PIGU: variants seen among roughly 807,000 people sequenced by gnomAD.
The protein encoded by PIGU is phosphatidylinositol glycan anchor biosynthesis class U.
A neutral mutation model predicts 49.9 loss-of-function variants in PIGU; 24 were observed. The observed-to-expected ratio is 0.48, with a 90% confidence interval of 0.35 to 0.68. The LOEUF (loss-of-function observed/expected upper bound fraction) is 0.68. Ranked by LOEUF, PIGU falls within the 30% of genes least tolerant of loss-of-function variation. The pLI is 0.01. For synonymous variants in PIGU, 220 were observed against 205.7 expected (o/e 1.07, Z -0.59); for missense variants, 490 against 532.6 (o/e 0.92, Z 0.79).
chr20:34,647,989 C>A (rs926414090), intron 2 of PIGU, among the ~76,000 whole-genome samples: 2 of 152,034 alleles, frequency 1.3e-5, no homozygotes, highest in African/African-American at 2.4e-5. Flanking sequence ...GTGGCTCATG[C>A]CTATAATCTC....
Position 34,615,970 on chromosome 20 carries a change from T to C in PIGU, c.627+72A>G, listed in dbSNP as rs1192316268. On this transcript the variant is annotated intron_variant, in intron 7 of 11. Coordinates refer to ENST00000217446, the MANE Select transcript of PIGU (RefSeq NM_080476.5). ...TGCCTTTACTAACCCGTGCCCTTCCTTTCCCCCAGCAGGGACCAGGCCATG... is the reference window on the plus strand; with the variant it reads ...TGCCTTTACTAACCCGTGCCCTTCCCTTCCCCCAGCAGGGACCAGGCCATG... 5 of 1,511,812 alleles carry C rather than the reference T, an allele frequency of 3.3e-6. No homozygotes were observed. In the African/African-American group the frequency reaches 4.3e-5, roughly 13 times the overall value. 93.6% of individuals were successfully genotyped at this position (1,511,812 alleles called of 1,614,324 possible). A position where few individuals can be genotyped will look rare whatever the true frequency, so the allele number is the denominator to read the frequency against.
chr20:34,646,858 T>C (rs1986364235), intron 2 of PIGU, among the ~76,000 whole-genome samples: 1 of 152,038 alleles, frequency 6.6e-6, no homozygotes, highest in Non-Finnish European at 1.5e-5. Flanking sequence ...ACTCTCGCAC[T>C]GTTGCCAGGG....
Position 34,560,831 on chromosome 20 carries a change from C to G in PIGU, c.*35G>C. The stretch of plus-strand genomic sequence containing the variant: ...TTGGCCCAGCTTCTGGCCCCACAGC[C>G]CCCTGAGGTCCATGCAGCCCTGTGC... On this transcript the variant is annotated 3_prime_UTR_variant, in exon 12 of 12. Coordinates refer to ENST00000217446, the MANE Select transcript of PIGU (RefSeq NM_080476.5). 2 of 1,474,414 alleles carry G rather than the reference C, an allele frequency of 1.4e-6. No homozygotes were observed. The highest frequency in any genetic ancestry group is 1.9e-6 in the Non-Finnish European group (2 of 1,079,946). The allele number at this position is 1,474,414 out of a possible 1,614,324, so 91.3% of individuals were successfully genotyped here.
intron 11 of PIGU, among the ~76,000 whole-genome samples, chr20:34,564,586 T>G (rs1384375374): frequency 6.6e-6 from 1 of 152,200 alleles, no homozygotes; most frequent in African/African-American, 2.4e-5. Flanking sequence ...CTTTGGCAAA[T>G]GTACACAAAA....
chr20:34,574,993 C>T (rs1023838714), intron 11 of PIGU, 111 bp downstream of exon 11: 2 of 1,412,916 alleles, frequency 1.4e-6, no homozygotes, highest in African/African-American at 2.8e-5. Flanking sequence ...GTAACTGTGC[C>T]TCCTTCACGT....
intron 1 of PIGU, among the ~76,000 whole-genome samples, chr20:34,663,535 G>A (rs1382817522): frequency 2.0e-5 from 3 of 152,116 alleles, no homozygotes; most frequent in Admixed American, 6.6e-5. Context: ...TTTGTAAGGA[G>A]TGGGCTATAA....
At chr20:34,647,033 G>A (rs951520836) in intron 2 of PIGU, among the ~76,000 whole-genome samples, 1 of 151,984 alleles carries the variant, frequency 6.6e-6, no homozygotes, top group African/African-American at 2.4e-5. Flanking sequence ...GCAGAGTTTC[G>A]CTCTTGTTGC....
intron 2 of PIGU, among the ~76,000 whole-genome samples, chr20:34,650,698 C>CTTTTTTTTTTT (rs1568658806): frequency 4.6e-5 from 2 of 43,948 alleles, no homozygotes. Context: ...TTCTTTTTTT[C>CTTTTTTTTTTT]TCTTTTTTTT....
intron 2 of PIGU, among the ~76,000 whole-genome samples, chr20:34,647,266 C>T (rs369702905): frequency 3.6e-4 from 55 of 150,818 alleles, no homozygotes; most frequent in African/African-American, 1.2e-3. Context: ...CCACCGTGCC[C>T]GGCCGTTTTT....
intron 4 of PIGU, among the ~76,000 whole-genome samples, chr20:34,638,719 TG>T (rs1241833688): frequency 2.0e-5 from 3 of 152,098 alleles, no homozygotes; most frequent in South Asian, 4.2e-4. Context: ...GGAGGAAAGC[TG>T]GGTGTGGGTG....
At chr20:34,561,698 C>T (rs1982520735) in intron 11 of PIGU, among the ~76,000 whole-genome samples, 1 of 152,124 alleles carries the variant, frequency 6.6e-6, no homozygotes, top group African/African-American at 2.4e-5. Context: ...CTCGAACTCC[C>T]TCGTGCTCTG....
intron 7 of PIGU, among the ~76,000 whole-genome samples, chr20:34,590,903 C>T (rs1335734580): frequency 6.6e-6 from 1 of 151,984 alleles, no homozygotes; most frequent in African/African-American, 2.4e-5. Flanking sequence ...TGCCTGTAGT[C>T]CCAGCTACTC....
chr20:34,659,076 G>T (rs1433148637), intron 1 of PIGU, among the ~76,000 whole-genome samples: 2 of 142,452 alleles, frequency 1.4e-5, no homozygotes, highest in African/African-American at 5.2e-5. Context: ...GGAGGGAGGT[G>T]GGGGGGTCAG....
intron 10 of PIGU, among the ~76,000 whole-genome samples, chr20:34,579,547 G>A (rs1361891182): frequency 6.6e-6 from 1 of 152,198 alleles, no homozygotes; most frequent in Non-Finnish European, 1.5e-5. Flanking sequence ...TAAGGACCAG[G>A]GCTGATGCTG....
At chr20:34,676,926 C>CT (rs772905772) in intron 1 of PIGU, 30 bp downstream of exon 1, 147 of 1,557,996 alleles carry the variant, frequency 9.4e-5, no homozygotes, top group Non-Finnish European at 1.2e-4. Flanking sequence ...CAGGTGGGGC[C>CT]TGACAGTCTG....
chr20:34,648,252 A>C (rs948737525), intron 2 of PIGU, among the ~76,000 whole-genome samples: 1 of 48,268 alleles, frequency 2.1e-5, no homozygotes, highest in Non-Finnish European at 4.1e-5. Flanking sequence ...ACCCTGTCTC[A>C]AAAAAAAAAA....
chr20:34,573,004 G>A (rs1983076844), intron 11 of PIGU, among the ~76,000 whole-genome samples: 1 of 152,100 alleles, frequency 6.6e-6, no homozygotes, highest in Non-Finnish European at 1.5e-5. Context: ...TCTTTTCATT[G>A]CATAGTCTTT....
chr20:34,666,260 A>T (rs980674562), intron 1 of PIGU, among the ~76,000 whole-genome samples: 34 of 152,208 alleles, frequency 2.2e-4, no homozygotes, highest in African/African-American at 7.5e-4. Context: ...TTAGGGGGAA[A>T]AAACAAAAAG....
At chr20:34,574,861 T>G (rs1426843221) in intron 11 of PIGU, among the ~76,000 whole-genome samples, 1 of 152,204 alleles carries the variant, frequency 6.6e-6, no homozygotes, top group Non-Finnish European at 1.5e-5. Flanking sequence ...CCCTGTCTCC[T>G]AGGCTTGCTG....
Sources: gnomAD v4.1 joint callset for allele counts (sites outside exome capture counted in the v4.1 genomes callset) on GRCh38, gnomAD v4.1.1 for gene constraint, MANE v1.5 for transcripts, NCBI Gene and HGNC (gene_info 2026-07-23, HGNC 2026-07-21) for gene names.